Variants in PIEZO2 observed in about 807,000 individuals in gnomAD.
PIEZO2 encodes the protein piezo type mechanosensitive ion channel component 2.
PIEZO2 carries 172 observed loss-of-function variants against 337.3 expected under a neutral mutation model. That is an observed-to-expected ratio of 0.51 (90% CI 0.45 to 0.58). The LOEUF is 0.58. PIEZO2 is among the 20% of genes least tolerant of loss of function. The pLI is 0.00. For missense variants in PIEZO2, 3,028 were observed against 3,391.3 expected (o/e 0.89, Z 2.66); for synonymous variants, 1,251 against 1,228.5 (o/e 1.02, Z -0.38).
At chr18:10,736,772 T>C in intron 33 of PIEZO2, 62 bp from the exon 34 acceptor site, 1 of 1,486,760 alleles carries the variant, frequency 6.7e-7, no homozygotes, top group Non-Finnish European at 9.0e-7. Flanking sequence ...GGGGGCTTAT[T>C]AATGAAATGT....
chr18:10,798,413 A>C (rs1417655141), intron 11 of PIEZO2, among the ~76,000 whole-genome samples: 1 of 152,236 alleles, frequency 6.6e-6, no homozygotes, highest in East Asian at 1.9e-4. Context: ...CAATGAGACG[A>C]TGGTGTGTCC....
rs1345698548 is a variant in PIEZO2, at chr18:10,727,300, C to G, written c.5029+4107G>C. 1.2e-5 allele frequency: 2 copies of G among 163,648 alleles called. No individual in the cohort carries two copies. The highest frequency in any genetic ancestry group is 4.8e-5 in the African/African-American group (2 of 41,800). The allele number at this position is 163,648 out of a possible 1,614,324, so 10.1% of individuals were successfully genotyped here. A position where few individuals can be genotyped will look rare whatever the true frequency, so the allele number is the denominator to read the frequency against. ...TAAGATGGCTTTGGTTGTCCCGGTA[C>G]TCCAGTCTCTCCCTTCCCTCACCTG... is the stretch of plus-strand genomic sequence containing the variant. On this transcript the variant is annotated intron_variant, in intron 36 of 55. Coordinates refer to ENST00000674853, the MANE Select transcript of PIEZO2 (RefSeq NM_001378183.1). This position sits in a 1 kb window ranked among gnomAD's most constrained non-coding sequence, Gnocchi z 6.3.
At chr18:10,874,954 T>A (rs1270564824) in intron 4 of PIEZO2, among the ~76,000 whole-genome samples, 1 of 152,182 alleles carries the variant, frequency 6.6e-6, no homozygotes, top group Admixed American at 6.5e-5. Context: ...TCAAAATAGC[T>A]AGAAGATTTA....
intron 2 of PIEZO2, among the ~76,000 whole-genome samples, chr18:10,991,801 CCA>C (rs1430293666): frequency 6.6e-6 from 1 of 152,102 alleles, no homozygotes; most frequent in East Asian, 1.9e-4. Context: ...TGAGGAATTG[CCA>C]CACTGTCTTC....
At position 11,003,766 on chromosome 18, in the gene PIEZO2, C is replaced by T. The variant is rs557232286; in HGVS notation, c.161-24106G>A. On this transcript the variant is annotated intron_variant, in intron 2 of 55. Coordinates refer to ENST00000674853, the MANE Select transcript of PIEZO2 (RefSeq NM_001378183.1). This position sits in a 1 kb window ranked among gnomAD's most constrained non-coding sequence, Gnocchi z 4.6. ...GGGACGTGGGAGGAAACCAGAGTACCTAGAAAAATCCCACACAGACCTGGG... is the reference window on the plus strand; with the variant it reads ...GGGACGTGGGAGGAAACCAGAGTACTTAGAAAAATCCCACACAGACCTGGG... Among the ~76,000 whole-genome samples, 1 of 152,190 alleles carries T rather than the reference C, an allele frequency of 6.6e-6. No individual in the cohort carries two copies. The highest frequency in any genetic ancestry group is 2.4e-5 in the African/African-American group (1 of 41,448).
chr18:10,891,940 T>C (rs1251617928), intron 4 of PIEZO2, among the ~76,000 whole-genome samples: 5 of 152,190 alleles, frequency 3.3e-5, no homozygotes, highest in Non-Finnish European at 7.3e-5. Flanking sequence ...TTTAAATATG[T>C]TTCTTCATGC....
At position 10,794,664 on chromosome 18, in the gene PIEZO2, G is replaced by T; in HGVS notation, c.1758+108C>A. ...TCTCATGTTTGTTCATTTTTACAAA[G>T]CAGTGAATATTTGGAACCTGTTTTT... is the stretch of plus-strand genomic sequence containing the variant. On this transcript the variant is annotated intron_variant, in intron 13 of 55. Transcript: ENST00000674853. This position sits in a 1 kb window ranked among gnomAD's most constrained non-coding sequence, Gnocchi z 6.6. 1.1e-6 allele frequency: 1 copy of T among 869,630 alleles called. No homozygotes were observed. The highest frequency in any genetic ancestry group is 1.7e-6 in the Non-Finnish European group (1 of 584,044). The allele number at this position is 869,630 out of a possible 1,614,324, so 53.9% of individuals were successfully genotyped here.
chr18:10,896,080 GA>G (rs1163144515), intron 4 of PIEZO2, among the ~76,000 whole-genome samples: 73 of 137,894 alleles, frequency 5.3e-4, no homozygotes, highest in African/African-American at 1.8e-3. Flanking sequence ...AAACAAAAAC[GA>G]AAAAAAAAAG....
chr18:10,672,552 G>A lies in PIEZO2; in HGVS notation c.8345+138C>T. Reference sequence around the variant, plus strand: ...GGTGCCTCATTTTTTGAAATAAAATGCACACAAGGATGTGTGCATTTTAAT... The same window carrying A: ...GGTGCCTCATTTTTTGAAATAAAATACACACAAGGATGTGTGCATTTTAAT... On this transcript the variant is annotated intron_variant, in intron 55 of 55. Transcript: ENST00000674853. The surrounding 1 kb of genome is among the most constrained non-coding windows in gnomAD (Gnocchi z 4.7). 1.1e-6 allele frequency: 1 copy of A among 929,100 alleles called. No homozygotes were observed. The allele number at this position is 929,100 out of a possible 1,614,324, so 57.6% of individuals were successfully genotyped here.
intron 7 of PIEZO2, among the ~76,000 whole-genome samples, chr18:10,851,725 A>G (rs553368412): frequency 2.0e-5 from 3 of 152,278 alleles, no homozygotes; most frequent in East Asian, 1.9e-4. Flanking sequence ...GCAAATTTGT[A>G]TTTGTAGTTT....
Position 11,023,200 on chromosome 18 carries a change from C to T in PIEZO2, c.160+42927G>A, listed in dbSNP as rs531214730. Among the ~76,000 whole-genome samples, 50 of 152,234 alleles carry T rather than the reference C, an allele frequency of 3.3e-4. No homozygotes were observed. The South Asian group carries it at 8.3e-3, about 25-fold the overall frequency. Reference sequence around the variant, plus strand: ...CCCGACCCAGTTGCCACTGCTGGCTCGGGCAGCCTGCTTTTATTCTCTTAT... The same window carrying T: ...CCCGACCCAGTTGCCACTGCTGGCTTGGGCAGCCTGCTTTTATTCTCTTAT... On this transcript the variant is annotated intron_variant, in intron 2 of 55. Transcript: ENST00000674853.
chr18:10,845,190 G>T (rs970588936), intron 7 of PIEZO2, among the ~76,000 whole-genome samples: 2 of 130,032 alleles, frequency 1.5e-5, no homozygotes, highest in African/African-American at 6.4e-5. Flanking sequence ...TTCCCATTGT[G>T]TGTGTGTGTG....
intron 2 of PIEZO2, among the ~76,000 whole-genome samples, chr18:11,006,711 C>T (rs2035737794): frequency 6.6e-6 from 1 of 152,126 alleles, no homozygotes; most frequent in Admixed American, 6.6e-5. Flanking sequence ...GCCTCCCTCC[C>T]TCATGCTCTT....
intron 7 of PIEZO2, among the ~76,000 whole-genome samples, chr18:10,810,410 C>T (rs2040152327): frequency 1.3e-5 from 2 of 152,228 alleles, no homozygotes; most frequent in Middle Eastern, 3.4e-3. Flanking sequence ...AATTATTATG[C>T]CAAGGGCAGT....
At position 11,002,887 on chromosome 18, in the gene PIEZO2, C is replaced by T. The variant is rs2035592498; in HGVS notation, c.161-23227G>A. On this transcript the variant is annotated intron_variant, in intron 2 of 55. Transcript: ENST00000674853. This position sits in a 1 kb window ranked among gnomAD's most constrained non-coding sequence, Gnocchi z 4.3. ...ATGGGCAGGTTCAGCAGAGAACAGA[C>T]CAATAGAAACATCCAATGGGGATGT... Among the ~76,000 whole-genome samples the T allele has an allele frequency of 6.6e-6, 1 of 152,130 alleles. No homozygotes were observed. Among genetic ancestry groups the T allele is most frequent in the South Asian group, 2.1e-4 (1 of 4,826 alleles).
chr18:11,078,815 A>C lies in PIEZO2; in HGVS notation c.65-12593T>G, dbSNP rs72874233. On this transcript the variant is annotated intron_variant, in intron 1 of 55. Transcript: ENST00000674853. This position sits in a 1 kb window ranked among gnomAD's most constrained non-coding sequence, Gnocchi z 5.3. ...TCTTCAGTCTCTACCTACTCAGAGT[A>C]TTTGGCCTTACATTTCATCGAATCA... 0.089 allele frequency among the ~76,000 whole-genome samples: 13,605 copies of C among 152,238 alleles called. 624 individuals carry two copies. The highest frequency in any genetic ancestry group is 0.15 in the Middle Eastern group (43 of 294).
At position 10,869,707 on chromosome 18, in the gene PIEZO2, T is replaced by C. The variant is rs1169236068; in HGVS notation, c.492+1546A>G. 7.2e-5 allele frequency among the ~76,000 whole-genome samples: 11 copies of C among 152,246 alleles called. 1 individual carries two copies. The highest frequency in any genetic ancestry group is 2.0e-4 in the Admixed American group (3 of 15,280). On this transcript the variant is annotated intron_variant, in intron 5 of 55. Coordinates refer to ENST00000674853, the MANE Select transcript of PIEZO2 (RefSeq NM_001378183.1). ...CACTCTTCCGTTTTTAGGGCACTAA[T>C]GCATGCCTTATGGTGTCAAGTCTTG...
In PIEZO2 at chr18:10,903,428, G is replaced by T. The variant is rs1275359493; in HGVS notation, c.329+7758C>A. ...CACGCCTGTAATCCCAGCACTTTGAGAGGCCAAGGCGGGCGGATCATGAGG... is the reference window on the plus strand; with the variant it reads ...CACGCCTGTAATCCCAGCACTTTGATAGGCCAAGGCGGGCGGATCATGAGG... On this transcript the variant is annotated intron_variant, in intron 4 of 55. Coordinates refer to ENST00000674853, the MANE Select transcript of PIEZO2 (RefSeq NM_001378183.1). The surrounding 1 kb of genome is among the most constrained non-coding windows in gnomAD (Gnocchi z 4.1). Among the ~76,000 whole-genome samples the T allele has an allele frequency of 2.6e-5, 4 of 152,138 alleles. No homozygotes were observed. Among genetic ancestry groups the T allele is most frequent in the African/African-American group, 9.7e-5 (4 of 41,434 alleles).
chr18:10,811,473 G>C (rs2040187919), intron 7 of PIEZO2, among the ~76,000 whole-genome samples: 2 of 152,108 alleles, frequency 1.3e-5, no homozygotes, highest in Non-Finnish European at 1.5e-5. Context: ...AGGTGATCAC[G>C]GTTATGGTAG....
Sources: allele counts gnomAD v4.1 joint callset (sites outside exome capture counted in the v4.1 genomes callset), GRCh38; gene constraint gnomAD v4.1.1; non-coding constraint Gnocchi (gnomAD v3.1); transcripts MANE v1.5; gene names NCBI Gene and HGNC (gene_info 2026-07-23, HGNC 2026-07-21).